PPP2R5C: variants seen among roughly 807,000 people sequenced by gnomAD.
PPP2R5C encodes protein phosphatase 2 regulatory subunit B'gamma.
Under a neutral mutation model 68.9 loss-of-function variants are expected in PPP2R5C, and 7 were observed. That is an observed-to-expected ratio of 0.10 (90% CI 0.06 to 0.19). PPP2R5C has a LOEUF of 0.19. Ranked by LOEUF, PPP2R5C falls within the 10% of genes least tolerant of loss-of-function variation. The pLI, the probability that PPP2R5C is intolerant of heterozygous loss-of-function variation, is 1.00. For synonymous variants in PPP2R5C, 210 were observed against 222.2 expected (o/e 0.95, Z 0.49); for missense variants, 348 against 641.3 (o/e 0.54, Z 4.94).
chr14:101,833,954 A>G (rs2040923635), intron 1 of PPP2R5C, among the ~76,000 whole-genome samples: 1 of 152,098 alleles, frequency 6.6e-6, no homozygotes, highest in Non-Finnish European at 1.5e-5. Flanking sequence ...GGCACCCGCC[A>G]CCTGCCACCA....
At chr14:101,792,261 C>A (rs2038395056) in intron 3 of PPP2R5C, among the ~76,000 whole-genome samples, 1 of 152,220 alleles carries the variant, frequency 6.6e-6, no homozygotes, top group African/African-American at 2.4e-5. Context: ...CAGTTGATGA[C>A]AGATTGATAT....
chr14:101,904,368 T>C (rs2045901533), intron 9 of PPP2R5C, among the ~76,000 whole-genome samples: 2 of 152,122 alleles, frequency 1.3e-5, no homozygotes, highest in Admixed American at 6.5e-5. Flanking sequence ...CAGGCTGGCC[T>C]TGAACTCCTG....
intron 2 of PPP2R5C, among the ~76,000 whole-genome samples, chr14:101,763,384 C>G (rs541914776): frequency 1.3e-5 from 2 of 148,218 alleles, no homozygotes; most frequent in Non-Finnish European, 3.0e-5. Flanking sequence ...CCACACCCAA[C>G]AAATTTTTTT....
intron 3 of PPP2R5C, among the ~76,000 whole-genome samples, chr14:101,787,135 G>T (rs572913678): frequency 6.6e-6 from 1 of 152,152 alleles, no homozygotes; most frequent in Non-Finnish European, 1.5e-5. Context: ...CTGTGGTCCC[G>T]GCTACTCAGG....
chr14:101,904,894 C>T (rs1206497392), intron 9 of PPP2R5C, among the ~76,000 whole-genome samples: 1 of 152,238 alleles, frequency 6.6e-6, no homozygotes, highest in East Asian at 1.9e-4. Flanking sequence ...CTGGTGACTG[C>T]CTCGAACTCC....
rs903486233 is a variant in PPP2R5C at position 101,875,690 on chromosome 14, T to TCA, written c.295-6470_295-6469insAC. Among the ~76,000 whole-genome samples the TCA allele has an allele frequency of 1.9e-4, 29 of 152,188 alleles. 1 individual carries two copies. Among genetic ancestry groups the TCA allele is most frequent in the Admixed American group, 1.4e-3 (22 of 15,280 alleles). ...TTTACAAATGGGGAAAGGGGTAGTA[T>TCA]CTCCCTTTAAGACTGCTACTACGAT... On this transcript the variant is annotated intron_variant, in intron 2 of 13. Transcript: ENST00000334743.
chr14:101,827,394 G>T (rs1323228799), intron 1 of PPP2R5C, among the ~76,000 whole-genome samples: 1 of 152,176 alleles, frequency 6.6e-6, no homozygotes, highest in Non-Finnish European at 1.5e-5. Context: ...AAAAGGCCAA[G>T]TTAGGGAGAA....
intron 13 of PPP2R5C, among the ~76,000 whole-genome samples, chr14:101,918,648 C>G (rs1253418742): frequency 6.4e-5 from 1 of 15,708 alleles, no homozygotes; most frequent in African/African-American, 2.8e-4. Flanking sequence ...CCTGACCCCC[C>G]TCGCCCCCCT....
At chr14:101,865,260 T>C (rs1360247897) in intron 2 of PPP2R5C, among the ~76,000 whole-genome samples, 3 of 152,226 alleles carry the variant, frequency 2.0e-5, no homozygotes, top group Non-Finnish European at 4.4e-5. Flanking sequence ...ACACTGGGTC[T>C]CTCACACTTA....
chr14:101,918,848 A>G (rs1166477384), intron 13 of PPP2R5C, among the ~76,000 whole-genome samples: 2 of 150,268 alleles, frequency 1.3e-5, no homozygotes, highest in East Asian at 4.0e-4. Context: ...AAATGCCTGT[A>G]AACTAAAACA....
chr14:101,821,053 A>C (rs529258930), intron 1 of PPP2R5C: 129 of 151,538 alleles, frequency 8.5e-4, no homozygotes, highest in African/African-American at 3.0e-3. Flanking sequence ...GTTTTTACCA[A>C]GCCTCCTTGG....
intron 1 of PPP2R5C, among the ~76,000 whole-genome samples, chr14:101,814,050 C>T (rs1180715271): frequency 6.6e-6 from 1 of 152,186 alleles, no homozygotes; most frequent in East Asian, 1.9e-4. Context: ...AATAGCTATA[C>T]ATAATGCACA....
At chr14:101,803,676 A>G (rs2038961893) in intron 3 of PPP2R5C, among the ~76,000 whole-genome samples, 1 of 151,694 alleles carries the variant, frequency 6.6e-6, no homozygotes. Flanking sequence ...GCGAGCAGAC[A>G]TCGCACCACT....
intron 1 of PPP2R5C, among the ~76,000 whole-genome samples, chr14:101,853,564 G>A (rs973155618): frequency 3.3e-5 from 5 of 152,102 alleles, no homozygotes; most frequent in Admixed American, 6.6e-5. Context: ...TGTTTATAAC[G>A]CGAATGATGC....
intron 5 of PPP2R5C, 177 bp from the exon 8 acceptor site, chr14:101,890,060 A>G: frequency 1.4e-6 from 1 of 700,358 alleles, no homozygotes; most frequent in South Asian, 1.5e-5. Flanking sequence ...AGGCATTTAC[A>G]GCTGCAGGCC....
At chr14:101,777,527 C>T (rs1277725579) in intron 2 of PPP2R5C, among the ~76,000 whole-genome samples, 1 of 151,222 alleles carries the variant, frequency 6.6e-6, no homozygotes, top group Non-Finnish European at 1.5e-5. Context: ...TTTTTGTATT[C>T]TTAGTAGGGA....
intron 3 of PPP2R5C, among the ~76,000 whole-genome samples, chr14:101,790,530 C>T (rs2038309675): frequency 6.6e-6 from 1 of 152,204 alleles, no homozygotes; most frequent in African/African-American, 2.4e-5. Context: ...GTCTTTTACA[C>T]CTGCTGTAAG....
In PPP2R5C at chr14:101,915,347, TG is replaced by T. The variant is rs1259721753; in HGVS notation, c.1327-2481del. Among the ~76,000 whole-genome samples the T allele has an allele frequency of 6.6e-6, 1 of 152,214 alleles. No homozygotes were observed. The highest frequency in any genetic ancestry group is 6.5e-5 in the Admixed American group (1 of 15,282). ...TACCTGCCTCGGCCTCCCAGAGTGCTGGGATTACAGGTGTGAGCCACCGCAC... is the reference window on the plus strand; with the variant it reads ...TACCTGCCTCGGCCTCCCAGAGTGCTGGATTACAGGTGTGAGCCACCGCAC... On this transcript the variant is annotated intron_variant, in intron 12 of 13. Coordinates refer to ENST00000334743, the Ensembl canonical transcript of PPP2R5C. The surrounding 1 kb of genome is among the most constrained non-coding windows in gnomAD (Gnocchi z 4.2).
chr14:101,878,606 G>A (rs1446031134), intron 2 of PPP2R5C, among the ~76,000 whole-genome samples: 1 of 152,244 alleles, frequency 6.6e-6, no homozygotes, highest in Non-Finnish European at 1.5e-5. Flanking sequence ...GCCTTCTGCA[G>A]TGGGTGAGTC....
Sources: allele counts gnomAD v4.1 joint callset (sites outside exome capture counted in the v4.1 genomes callset), GRCh38; gene constraint gnomAD v4.1.1; non-coding constraint Gnocchi (gnomAD v3.1); transcripts MANE v1.5; gene names NCBI Gene and HGNC (gene_info 2026-07-23, HGNC 2026-07-21).